The following ZNF385D variants were observed in gnomAD, a reference collection of about 807,000 sequenced individuals.
ZNF385D encodes the protein zinc finger protein 659.
In ZNF385D, 15 loss-of-function variants were observed where a neutral mutation model predicts 35.8. That is an observed-to-expected ratio of 0.42 (90% confidence interval 0.28 to 0.64). The LOEUF is 0.64. Among genes scored for constraint, ZNF385D ranks in the 30% least tolerant of loss-of-function variants. The probability of loss-of-function intolerance (pLI) is 0.23; values close to 1 mark genes in which losing one functional copy is unlikely to be tolerated. For synonymous variants in ZNF385D, 212 were observed against 186.8 expected (o/e 1.13, Z -1.10); for missense variants, 474 against 494.6 (o/e 0.96, Z 0.39).
intron 3 of ZNF385D, among the ~76,000 whole-genome samples, chr3:21,999,039 A>T (rs1426251633): frequency 6.6e-6 from 1 of 152,186 alleles, no homozygotes; most frequent in African/African-American, 2.4e-5. Context: ...AAAAGGCTTT[A>T]CTACACCTCC....
chr3:21,745,087 T>A (rs987733261), intron 1 of ZNF385D, among the ~76,000 whole-genome samples: 4 of 152,020 alleles, frequency 2.6e-5, no homozygotes, highest in Non-Finnish European at 5.9e-5. Flanking sequence ...TAAACAACAT[T>A]TATCCATTAA....
chr3:21,580,754 C>T (rs1266891236), intron 2 of ZNF385D, among the ~76,000 whole-genome samples: 1 of 151,516 alleles, frequency 6.6e-6, no homozygotes, highest in Non-Finnish European at 1.5e-5. Context: ...CTCAAAAATG[C>T]AAATGTACAT....
chr3:21,428,933 C>CTTTTT (rs56827844), intron 5 of ZNF385D, among the ~76,000 whole-genome samples: 22 of 112,038 alleles, frequency 2.0e-4, no homozygotes, highest in Admixed American at 1.3e-3. Flanking sequence ...CCAAGAAATC[C>CTTTTT]TTTTTTTTTT....
At chr3:21,694,041 G>GTTTTTTTTTTTT (rs1559525354) in intron 1 of ZNF385D, among the ~76,000 whole-genome samples, 1 of 24,208 alleles carries the variant, frequency 4.1e-5, no homozygotes. Flanking sequence ...ACTACGCCTG[G>GTTTTTTTTTTTT]CTTTTTTTTT....
rs200229221 is a variant in ZNF385D at position 21,425,547 on chromosome 3, G to A, written c.797C>T (p.Thr266Ile). The change falls in exon 6 of 8, where the codon ACA becomes ATA. Residue 266 changes from threonine (T) to isoleucine (I), a missense_variant. Transcript: ENST00000281523. ...NKGNTGLQNKTFHCEICDVHV... is the reference protein window; with the variant it reads ...NKGNTGLQNKIFHCEICDVHV... The stretch of plus-strand genomic sequence containing the variant: ...CACATCACAGATTTCACAGTGAAAT[G>A]TTTTATTTTGGAGGCCTGTGTTTCC... 2.5e-6 allele frequency: 4 copies of A among 1,611,668 alleles called. No homozygotes were observed. The highest frequency in any genetic ancestry group is 1.3e-5 in the African/African-American group (1 of 74,936).
chr3:22,094,368 T>G (rs1224985470), intron 3 of ZNF385D, among the ~76,000 whole-genome samples: 1 of 70,120 alleles, frequency 1.4e-5, no homozygotes, highest in African/African-American at 5.1e-5. Context: ...TACCATTGTC[T>G]TCTGTCATTT....
chr3:21,985,274 G>C, intron 3 of ZNF385D, among the ~76,000 whole-genome samples: 1 of 90,036 alleles, frequency 1.1e-5, no homozygotes, highest in Non-Finnish European at 2.3e-5. Context: ...TCCAGTTTTT[G>C]CCCATTCAGT....
intron 2 of ZNF385D, among the ~76,000 whole-genome samples, chr3:21,647,231 G>A (rs2065777639): frequency 6.6e-6 from 1 of 152,142 alleles, no homozygotes; most frequent in Non-Finnish European, 1.5e-5. Flanking sequence ...TCATATGAGA[G>A]TTTCCTTGTT....
intron 2 of ZNF385D, among the ~76,000 whole-genome samples, chr3:21,644,851 A>G (rs1252891794): frequency 2.0e-5 from 3 of 152,190 alleles, no homozygotes; most frequent in African/African-American, 7.2e-5. Context: ...AGTGACTGCA[A>G]CAACTTTTTT....
At chr3:22,042,519 G>A (rs1313911127) in intron 3 of ZNF385D, among the ~76,000 whole-genome samples, 1 of 152,084 alleles carries the variant, frequency 6.6e-6, no homozygotes, top group African/African-American at 2.4e-5. Flanking sequence ...CAGACTATAA[G>A]GTATTCACAT....
chr3:22,027,016 C>A (rs950386890), intron 3 of ZNF385D, among the ~76,000 whole-genome samples: 2 of 152,212 alleles, frequency 1.3e-5, no homozygotes, highest in African/African-American at 4.8e-5. Flanking sequence ...GGTATGCAGC[C>A]ATTGACTTGG....
At chr3:21,563,822 A>G (rs567549028) in intron 3 of ZNF385D, among the ~76,000 whole-genome samples, 1 of 152,162 alleles carries the variant, frequency 6.6e-6, no homozygotes, top group African/African-American at 2.4e-5. Context: ...ACTTAACTTC[A>G]TATCAAAGCA....
intron 3 of ZNF385D, among the ~76,000 whole-genome samples, chr3:21,975,905 G>C (rs1424170510): frequency 1.3e-5 from 2 of 151,992 alleles, no homozygotes; most frequent in African/African-American, 4.8e-5. Context: ...ATGCAAACGA[G>C]CCAAGCATCA....
chr3:21,635,219 A>C (rs1559477550), intron 2 of ZNF385D, among the ~76,000 whole-genome samples: 1 of 152,158 alleles, frequency 6.6e-6, no homozygotes, highest in Non-Finnish European at 1.5e-5. Context: ...CTATCATCGT[A>C]GAATGAAATG....
At chr3:21,706,779 G>C (rs2067914380) in intron 1 of ZNF385D, among the ~76,000 whole-genome samples, 1 of 152,048 alleles carries the variant, frequency 6.6e-6, no homozygotes, top group East Asian at 1.9e-4. Context: ...CCACTTCTGA[G>C]AGAGCAGCAT....
intron 2 of ZNF385D, among the ~76,000 whole-genome samples, chr3:22,285,348 A>G (rs762164372): frequency 6.6e-6 from 1 of 152,150 alleles, no homozygotes; most frequent in African/African-American, 2.4e-5. Flanking sequence ...TTGACTAAGT[A>G]GAAAGATTAT....
intron 2 of ZNF385D, among the ~76,000 whole-genome samples, chr3:22,306,561 C>T (rs1292427604): frequency 6.6e-6 from 1 of 152,056 alleles, no homozygotes; most frequent in Non-Finnish European, 1.5e-5. Flanking sequence ...GCCGTCTATG[C>T]AGTGGGAGAA....
chr3:22,123,958 CTCTCTATATATATATA>C (rs1236868114), intron 3 of ZNF385D, among the ~76,000 whole-genome samples: 17 of 79,798 alleles, frequency 2.1e-4, no homozygotes, highest in Admixed American at 5.3e-4. Flanking sequence ...CTCTCTCTCT[CTCTCTATATATATATA>C]TATATATATA....
intron 3 of ZNF385D, among the ~76,000 whole-genome samples, chr3:21,845,061 G>A (rs1487247456): frequency 1.3e-5 from 2 of 151,846 alleles, no homozygotes; most frequent in Non-Finnish European, 2.9e-5. Flanking sequence ...TGTTAACGCA[G>A]GTCTTAAAGT....
Sources: allele counts gnomAD v4.1 joint callset (sites outside exome capture counted in the v4.1 genomes callset), GRCh38; gene constraint gnomAD v4.1.1; transcripts MANE v1.5; gene names NCBI Gene and HGNC (gene_info 2026-07-23, HGNC 2026-07-21).